The following SPATA9 variants were observed in gnomAD, a reference collection of about 807,000 sequenced individuals.
The protein encoded by SPATA9 is spermatogenesis-associated protein 9.
Under a neutral mutation model 25.5 loss-of-function variants are expected in SPATA9, and 27 were observed. The observed-to-expected ratio is 1.06, with a 90% CI of 0.78 to 1.46. The LOEUF is 1.46. SPATA9 is among the 40% of genes most tolerant of loss of function. The probability of loss-of-function intolerance (pLI) is 0.00; values close to 1 mark genes in which losing one functional copy is unlikely to be tolerated. For synonymous variants in SPATA9, 102 were observed against 105.7 expected (o/e 0.97, Z 0.21); for missense variants, 282 against 297.5 (o/e 0.95, Z 0.38).
chr5:95,679,579 T>C (rs1249650708), intron 2 of SPATA9, among the ~76,000 whole-genome samples: 1 of 152,150 alleles, frequency 6.6e-6, no homozygotes, highest in East Asian at 1.9e-4. Context: ...GTATCACCCC[T>C]CCTCAAACAC....
rs1753124389 is a variant in SPATA9 at position 95,678,229 on chromosome 5, T to G, written c.151-2590A>C. Among the ~76,000 whole-genome samples, 2 of 152,014 alleles carry G rather than the reference T, an allele frequency of 1.3e-5. 1 individual carries two copies. The highest frequency in any genetic ancestry group is 4.1e-4 in the South Asian group (2 of 4,822). On this transcript the variant is annotated intron_variant, in intron 2 of 4. Coordinates refer to ENST00000274432, the MANE Select transcript of SPATA9 (RefSeq NM_031952.4). ...CCATCTCTACTAAAAATACAAAAAT[T>G]AATCCAGCATGGTGGCAGGCACCTG...
intron 3 of SPATA9, among the ~76,000 whole-genome samples, chr5:95,664,338 G>A (rs1258945886): frequency 1.3e-5 from 2 of 152,174 alleles, no homozygotes; most frequent in Non-Finnish European, 2.9e-5. Context: ...AGGTGCTGCT[G>A]TGCATATTAG....
intron 4 of SPATA9, among the ~76,000 whole-genome samples, chr5:95,662,727 AAAGC>A (rs1219127003): frequency 1.3e-5 from 2 of 152,248 alleles, no homozygotes; most frequent in African/African-American, 2.4e-5. Context: ...TCTCAATAGA[AAAGC>A]AAGAAGAGAT....
the SPATA9 span, chr5:95,731,246 C>A: frequency 1.0e-6 from 1 of 1,004,864 alleles, no homozygotes; most frequent in South Asian, 4.4e-5. Flanking sequence ...GGGGCTGGCA[C>A]GTGCTGCGCC....
At chr5:95,656,445 TAAG>T, downstream of SPATA9, 1 of 642,750 alleles carries the variant, frequency 1.6e-6, no homozygotes. Context: ...TTGAGAGGTT[TAAG>T]AGCACACATA....
intron 4 of SPATA9, 151 bp downstream of exon 4, chr5:95,663,802 G>A (rs958682918): frequency 4.8e-5 from 21 of 436,396 alleles, no homozygotes; most frequent in Non-Finnish European, 7.4e-5. Context: ...TGGCTCATCA[G>A]AAAAGGAAAT....
chr5:95,656,846 A>C (rs1317372165), downstream of SPATA9: 1 of 152,632 alleles, frequency 6.6e-6, no homozygotes, highest in Non-Finnish European at 1.5e-5. Context: ...TTATTTTTAC[A>C]TTTTTAGGAA....
At chr5:95,660,439 C>T (rs560183416) in intron 4 of SPATA9, among the ~76,000 whole-genome samples, 4 of 152,264 alleles carry the variant, frequency 2.6e-5, no homozygotes, top group African/African-American at 9.6e-5. Context: ...ATTGTACAAA[C>T]CTGGGAATTG....
chr5:95,664,282 G>A (rs77890572), intron 3 of SPATA9, among the ~76,000 whole-genome samples: 6,728 of 152,116 alleles, frequency 0.044, 199 homozygotes, highest in Middle Eastern at 0.082. Flanking sequence ...GCATTTCTGC[G>A]ATCTAAATGA....
At chr5:95,716,856 A>G in the SPATA9 span, 1 of 152,198 alleles carries the variant, frequency 6.6e-6, no homozygotes, top group Non-Finnish European at 1.5e-5. Flanking sequence ...ATGATAGTGA[A>G]TAAGTCTCAT....
the SPATA9 span, among the ~76,000 whole-genome samples, chr5:95,707,350 C>T: frequency 6.6e-6 from 1 of 151,962 alleles, no homozygotes; most frequent in African/African-American, 2.4e-5. Context: ...TGTACCCGAG[C>T]GAGTTAGAAA....
At chr5:95,699,059 T>C, upstream of SPATA9, among the ~76,000 whole-genome samples, 1 of 152,194 alleles carries the variant, frequency 6.6e-6, no homozygotes, top group African/African-American at 2.4e-5. Context: ...TTCAACTCAT[T>C]TAATAAAGTG....
At chr5:95,709,332 G>A in the SPATA9 span, among the ~76,000 whole-genome samples, 141 of 152,272 alleles carry the variant, frequency 9.3e-4, no homozygotes, top group African/African-American at 3.2e-3. Context: ...GATAGGTGGC[G>A]CCTGCCCATA....
At chr5:95,677,156 T>C (rs1753012866) in intron 2 of SPATA9, among the ~76,000 whole-genome samples, 1 of 152,242 alleles carries the variant, frequency 6.6e-6, no homozygotes, top group South Asian at 2.1e-4. Context: ...TTCTCTGCTA[T>C]AGTTTTTCTT....
At chr5:95,731,635 A>G in the SPATA9 span, 3 of 1,611,608 alleles carry the variant, frequency 1.9e-6, no homozygotes, top group Non-Finnish European at 2.5e-6. Flanking sequence ...CGAAGCCGTG[A>G]GCCGCTGCTT....
the SPATA9 span, among the ~76,000 whole-genome samples, chr5:95,710,772 ATTTT>A: frequency 6.6e-6 from 1 of 152,140 alleles, no homozygotes; most frequent in Non-Finnish European, 1.5e-5. Context: ...CGCCACTAAG[ATTTT>A]TGTTTGTCCT....
At position 95,658,756 on chromosome 5, in the gene SPATA9, T is replaced by G; in HGVS notation, c.632A>C (p.Lys211Thr). The change falls in exon 5 of 5, where the codon AAA becomes ACA. Residue 211 changes from lysine to threonine, a missense_variant. Lys to Thr is a moderately conservative substitution (Grantham distance 78). Transcript: ENST00000274432. ...PMFAEGEIKA[K>T]PYRSLPEKPD... ...CTTCTCCGGCAATGACCTATAAGGT[T>G]TTGCTTTGATTTCACCTTCAGCAAA... 1 of 1,613,900 alleles carries G rather than the reference T, an allele frequency of 6.2e-7. No individual in the cohort carries two copies. The highest frequency in any genetic ancestry group is 8.5e-7 in the Non-Finnish European group (1 of 1,179,892).
upstream of SPATA9, among the ~76,000 whole-genome samples, chr5:95,686,134 A>G (rs578067925): frequency 1.1e-4 from 16 of 152,160 alleles, no homozygotes; most frequent in Non-Finnish European, 2.2e-4. Flanking sequence ...CACCGTGCCC[A>G]GTCAATAGTA....
chr5:95,676,957 TGTC>T (rs1303993687), intron 2 of SPATA9, among the ~76,000 whole-genome samples: 1 of 152,198 alleles, frequency 6.6e-6, no homozygotes, highest in Non-Finnish European at 1.5e-5. Flanking sequence ...CCTAAAAACT[TGTC>T]GAAGTTTTTA....
Sources: allele counts gnomAD v4.1 joint callset (sites outside exome capture counted in the v4.1 genomes callset), GRCh38; gene constraint gnomAD v4.1.1; transcripts MANE v1.5; gene names NCBI Gene and HGNC (gene_info 2026-07-23, HGNC 2026-07-21).